The following ST6GALNAC5 variants were observed in gnomAD, a reference collection of about 807,000 sequenced individuals.
ST6GALNAC5 encodes alpha-N-acetylgalactosaminide alpha-2,6-sialyltransferase 5.
A neutral mutation model predicts 33.6 loss-of-function variants in ST6GALNAC5; 27 were observed. The ratio of observed to expected loss-of-function variants is 0.80; its 90% confidence interval spans 0.59 to 1.11. ST6GALNAC5 has a LOEUF of 1.11. Among genes scored for constraint, ST6GALNAC5 ranks in the 50% least tolerant of loss-of-function variants. ST6GALNAC5 has a pLI of 0.00. For synonymous variants in ST6GALNAC5, 194 were observed against 171.2 expected (o/e 1.13, Z -1.04); for missense variants, 428 against 454.0 (o/e 0.94, Z 0.52).
chr1:77,039,250 C>T (rs1258218621), intron 2 of ST6GALNAC5, among the ~76,000 whole-genome samples: 1 of 152,200 alleles, frequency 6.6e-6, no homozygotes, highest in Non-Finnish European at 1.5e-5. Flanking sequence ...CACCTCACAA[C>T]AGCTCTAATG....
At chr1:76,942,654 C>T (rs1647378251) in intron 2 of ST6GALNAC5, among the ~76,000 whole-genome samples, 1 of 152,096 alleles carries the variant, frequency 6.6e-6, no homozygotes, top group South Asian at 2.1e-4. Flanking sequence ...TGCCCAAGAT[C>T]TCTTCAGGAT....
chr1:77,006,000 A>G (rs58557449), intron 2 of ST6GALNAC5, among the ~76,000 whole-genome samples: 7,736 of 152,254 alleles, frequency 0.051, 331 homozygotes, highest in African/African-American at 0.12. Flanking sequence ...GAAAGATGCT[A>G]TTGACATTGG....
chr1:76,926,375 C>T (rs546886505), intron 2 of ST6GALNAC5, among the ~76,000 whole-genome samples: 1 of 152,248 alleles, frequency 6.6e-6, no homozygotes, highest in South Asian at 2.1e-4. Flanking sequence ...ACTTGGTCAT[C>T]TCTTTATTCA....
chr1:76,907,900 C>G (rs976445166), intron 2 of ST6GALNAC5, among the ~76,000 whole-genome samples: 9 of 152,086 alleles, frequency 5.9e-5, no homozygotes, highest in Non-Finnish European at 1.2e-4. Flanking sequence ...TACTGTTAAC[C>G]AGGAATGCTA....
At position 76,964,632 on chromosome 1, in the gene ST6GALNAC5, A is replaced by G. The variant is rs558338569; in HGVS notation, c.262-79572A>G. On this transcript the variant is annotated intron_variant, in intron 2 of 4. Coordinates refer to ENST00000477717, the MANE Select transcript of ST6GALNAC5 (RefSeq NM_030965.3). The stretch of plus-strand genomic sequence containing the variant: ...CTATTTTTTATAATTATTATACTTT[A>G]AGTTCTAGGGTACATGTGCACAATG... Among the ~76,000 whole-genome samples, 82 of 152,266 alleles carry G rather than the reference A, an allele frequency of 5.4e-4. 3 individuals carry two copies. In the South Asian group the frequency reaches 0.016, roughly 30 times the overall value.
At position 76,999,758 on chromosome 1, in the gene ST6GALNAC5, G is replaced by C. The variant is rs569436088; in HGVS notation, c.262-44446G>C. ...ATGCAGTGTTTGGTTTTTTGTTCTT[G>C]CGATAGTTTACTGAGAATGATGATT... On this transcript the variant is annotated intron_variant, in intron 2 of 4. Coordinates refer to ENST00000477717, the MANE Select transcript of ST6GALNAC5 (RefSeq NM_030965.3). 1.4e-3 allele frequency among the ~76,000 whole-genome samples: 203 copies of C among 144,058 alleles called. 1 individual carries two copies. The highest frequency in any genetic ancestry group is 4.9e-3 in the African/African-American group (196 of 40,090). 94.5% of individuals were successfully genotyped at this position (144,058 alleles called of 152,430 possible).
intron 4 of ST6GALNAC5, 130 bp from the exon 5 acceptor site, chr1:77,062,845 C>A: frequency 3.1e-6 from 2 of 652,618 alleles, no homozygotes; most frequent in South Asian, 2.0e-5. Context: ...TCAGAAAAAC[C>A]ATTTGTTCAA....
In ST6GALNAC5 at chr1:76,868,493, G is replaced by T; in HGVS notation, c.16-4G>T. ...CTCCTCTTCTCTCTCCCGCCCGCCC[G>T]CAGCGCCATGGTCTGGCAGTGTGTT... is the stretch of plus-strand genomic sequence containing the variant. On this transcript the variant is annotated splice_polypyrimidine_tract_variant and splice_region_variant and intron_variant, in intron 1 of 4. Transcript: ENST00000477717. This position sits in a 1 kb window ranked among gnomAD's most constrained non-coding sequence, Gnocchi z 4.3. 6.3e-7 allele frequency: 1 copy of T among 1,599,380 alleles called. No individual in the cohort carries two copies.
rs1653415007 is a variant in ST6GALNAC5, at chr1:76,868,621, AGCAGCAGGCGTCGGCCACCGGCAGCTC to A, written c.146_172del (p.Gln49_Gln57del). The A allele has an allele frequency of 6.2e-7, 1 of 1,611,178 alleles. No homozygotes were observed. Among genetic ancestry groups the A allele is most frequent in the Non-Finnish European group, 8.5e-7 (1 of 1,178,998 alleles). ...CAGCAGCAGCAGCAGCAGCAACAGC[AGCAGCAGGCGTCGGCCACCGGCAGCTC>A]GCAGCCGGCGGCGGAGAGCAGCACC... On this transcript the variant is annotated inframe_deletion, in exon 2 of 5. Coordinates refer to ENST00000477717, the MANE Select transcript of ST6GALNAC5 (RefSeq NM_030965.3). This position sits in a 1 kb window ranked among gnomAD's most constrained non-coding sequence, Gnocchi z 4.3.
chr1:76,964,626 T>C (rs1648382067), intron 2 of ST6GALNAC5, among the ~76,000 whole-genome samples: 2 of 152,186 alleles, frequency 1.3e-5, no homozygotes, highest in South Asian at 4.1e-4. Flanking sequence ...ATAATTATTA[T>C]ACTTTAAGTT....
chr1:77,052,939 ACAAT>A (rs1458915574), intron 4 of ST6GALNAC5, among the ~76,000 whole-genome samples: 4 of 80,588 alleles, frequency 5.0e-5, no homozygotes, highest in African/African-American at 1.9e-4. Context: ...AAAAAAAAAA[ACAAT>A]TTTAAGGGGG....
rs60357939 is a variant in ST6GALNAC5 at position 76,974,773 on chromosome 1, C to CTTTTTTTTTTTTTTTTTTTTTTTTTTTT, written c.262-69405_262-69404insTTTTTTTTTTTTTTTTTTTTTTTTTTTT. Reference sequence around the variant, plus strand: ...ATATCTGTAAGTTTTTTCTTTCTTTCTTTTTTTTTTTTTTTTTTTTTTTTT... The same window carrying CTTTTTTTTTTTTTTTTTTTTTTTTTTTT: ...ATATCTGTAAGTTTTTTCTTTCTTTCTTTTTTTTTTTTTTTTTTTTTTTTTTTTTTTTTTTTTTTTTTTTTTTTTTTTT... On this transcript the variant is annotated intron_variant, in intron 2 of 4. Transcript: ENST00000477717. Among the ~76,000 whole-genome samples the CTTTTTTTTTTTTTTTTTTTTTTTTTTTT allele has an allele frequency of 2.6e-4, 9 of 35,240 alleles. 2 individuals carry two copies. Among genetic ancestry groups the CTTTTTTTTTTTTTTTTTTTTTTTTTTTT allele is most frequent in the Non-Finnish European group, 3.2e-4 (7 of 21,576 alleles). The allele number at this position is 35,240 out of a possible 152,430, so 23.1% of individuals were successfully genotyped here.
At chr1:76,976,574 A>G (rs1649021871) in intron 2 of ST6GALNAC5, among the ~76,000 whole-genome samples, 1 of 152,130 alleles carries the variant, frequency 6.6e-6, no homozygotes, top group Non-Finnish European at 1.5e-5. Flanking sequence ...CATTGAAGAG[A>G]TAGAGATTGT....
At chr1:76,915,778 G>A (rs555404715) in intron 2 of ST6GALNAC5, among the ~76,000 whole-genome samples, 1 of 151,232 alleles carries the variant, frequency 6.6e-6, no homozygotes, top group African/African-American at 2.4e-5. Context: ...CACCAGCATG[G>A]CACATGTATA....
intron 2 of ST6GALNAC5, chr1:76,871,203 C>A (rs1353996339): frequency 1.3e-5 from 2 of 152,020 alleles, no homozygotes; most frequent in Non-Finnish European, 2.9e-5. Context: ...AAATGAAAGC[C>A]TTTCTATTCT....
intron 2 of ST6GALNAC5, among the ~76,000 whole-genome samples, chr1:76,957,157 T>A (rs1368290993): frequency 6.6e-6 from 1 of 152,186 alleles, no homozygotes; most frequent in Non-Finnish European, 1.5e-5. Context: ...AATATAAATG[T>A]ATTGTCTCAC....
chr1:76,995,860 C>G (rs1276078363), intron 2 of ST6GALNAC5, among the ~76,000 whole-genome samples: 2 of 152,108 alleles, frequency 1.3e-5, no homozygotes, highest in South Asian at 2.1e-4. Flanking sequence ...GACTATGTAT[C>G]TTTTGGCTCA....
intron 4 of ST6GALNAC5, among the ~76,000 whole-genome samples, chr1:77,059,807 A>G (rs1652518080): frequency 6.6e-6 from 1 of 151,392 alleles, no homozygotes; most frequent in Admixed American, 6.6e-5. Context: ...GTTTATTGGA[A>G]TTTTTCTGTC....
intron 4 of ST6GALNAC5, among the ~76,000 whole-genome samples, chr1:77,054,867 A>C (rs1284597872): frequency 6.6e-6 from 1 of 152,120 alleles, no homozygotes; most frequent in Non-Finnish European, 1.5e-5. Context: ...CTTAGGAAGA[A>C]AGATAGCATT....
Sources: gnomAD v4.1 joint callset for allele counts (sites outside exome capture counted in the v4.1 genomes callset) on GRCh38, gnomAD v4.1.1 for gene constraint, Gnocchi (gnomAD v3.1) non-coding constraint, MANE v1.5 for transcripts, NCBI Gene and HGNC (gene_info 2026-07-23, HGNC 2026-07-21) for gene names.